The following PIK3C2G variants were observed in gnomAD, a reference collection of about 807,000 sequenced individuals.
The protein encoded by PIK3C2G is phosphatidylinositol 3-kinase C2 domain-containing subunit gamma.
Under a neutral mutation model 181.1 loss-of-function variants are expected in PIK3C2G, and 168 were observed. The observed-to-expected ratio is 0.93, with a 90% CI of 0.82 to 1.05. The LOEUF is 1.05. Among genes scored for constraint, PIK3C2G ranks in the 50% least tolerant of loss-of-function variants. The pLI is 0.00. For missense variants in PIK3C2G, 1,869 were observed against 1,732.8 expected (o/e 1.08, Z -1.40); for synonymous variants, 573 against 592.2 (o/e 0.97, Z 0.47).
chr12:18,429,664 C>G (rs1946041248), intron 18 of PIK3C2G, among the ~76,000 whole-genome samples: 1 of 152,152 alleles, frequency 6.6e-6, no homozygotes, highest in African/African-American at 2.4e-5. Context: ...CAATCCAGCA[C>G]AGTATCTGAA....
intron 16 of PIK3C2G, among the ~76,000 whole-genome samples, chr12:18,417,598 A>G (rs1196195067): frequency 6.6e-6 from 1 of 152,206 alleles, no homozygotes; most frequent in Non-Finnish European, 1.5e-5. Flanking sequence ...CAAAAAGATT[A>G]GAACTTGCTG....
intron 24 of PIK3C2G, among the ~76,000 whole-genome samples, chr12:18,508,827 T>C (rs1942022322): frequency 6.6e-6 from 1 of 152,104 alleles, no homozygotes; most frequent in African/African-American, 2.4e-5. Flanking sequence ...TGTCATAATG[T>C]CTCATAGTCT....
At chr12:18,283,102 A>G (rs1949293837) in intron 2 of PIK3C2G, among the ~76,000 whole-genome samples, 1 of 152,174 alleles carries the variant, frequency 6.6e-6, no homozygotes, top group South Asian at 2.1e-4. Flanking sequence ...TTTAATGCAC[A>G]TACACAAACA....
chr12:18,514,199 T>C (rs1413742449), intron 24 of PIK3C2G, among the ~76,000 whole-genome samples: 1 of 151,906 alleles, frequency 6.6e-6, no homozygotes, highest in East Asian at 1.9e-4. Flanking sequence ...AAAAATATAC[T>C]TAATATAATT....
At chr12:18,700,935 C>T in the PIK3C2G span, among the ~76,000 whole-genome samples, 4 of 151,878 alleles carry the variant, frequency 2.6e-5, no homozygotes, top group Admixed American at 2.6e-4. Flanking sequence ...TTTTGCACTT[C>T]GCACAAAGCC....
At chr12:18,726,367 T>C in the PIK3C2G span, among the ~76,000 whole-genome samples, 1 of 152,278 alleles carries the variant, frequency 6.6e-6, no homozygotes, top group East Asian at 1.9e-4. Flanking sequence ...TTGCAAAGCA[T>C]TACAAAAAGC....
intron 29 of PIK3C2G, among the ~76,000 whole-genome samples, chr12:18,591,462 AAG>A (rs778987411): frequency 7.9e-5 from 12 of 151,922 alleles, no homozygotes; most frequent in Non-Finnish European, 1.8e-4. Context: ...GAGTGAAGAA[AAG>A]AGAACATGAC....
chr12:18,413,850 A>G (rs1399783718), intron 16 of PIK3C2G, among the ~76,000 whole-genome samples: 1 of 152,134 alleles, frequency 6.6e-6, no homozygotes, highest in Non-Finnish European at 1.5e-5. Context: ...TCTGTTACAT[A>G]TGACATTTCA....
At chr12:18,679,149 T>C in the PIK3C2G span, among the ~76,000 whole-genome samples, 1 of 152,108 alleles carries the variant, frequency 6.6e-6, no homozygotes, top group African/African-American at 2.4e-5. Flanking sequence ...CCTGTTCAAA[T>C]ATTTTGCCCA....
At chr12:18,300,517 T>G (rs2137281060) in intron 5 of PIK3C2G, among the ~76,000 whole-genome samples, 1 of 152,160 alleles carries the variant, frequency 6.6e-6, no homozygotes, top group African/African-American at 2.4e-5. Context: ...TCTTTATAAG[T>G]GACATTTCTT....
intron 5 of PIK3C2G, among the ~76,000 whole-genome samples, chr12:18,309,299 T>C (rs1950546387): frequency 6.6e-6 from 1 of 151,846 alleles, no homozygotes; most frequent in African/African-American, 2.4e-5. Context: ...GTTGCCATAC[T>C]TTACCATAAA....
chr12:18,341,556 C>T (rs1939138536), intron 9 of PIK3C2G, among the ~76,000 whole-genome samples: 1 of 152,034 alleles, frequency 6.6e-6, no homozygotes, highest in South Asian at 2.1e-4. Context: ...AAAACTGGGT[C>T]CCACTTATTT....
At chr12:18,485,048 A>C (rs1322890998) in intron 18 of PIK3C2G, among the ~76,000 whole-genome samples, 1 of 152,130 alleles carries the variant, frequency 6.6e-6, no homozygotes, top group African/African-American at 2.4e-5. Flanking sequence ...CTTTTCTGTT[A>C]CTGGATGTTG....
chr12:18,665,638 C>T, the PIK3C2G span, among the ~76,000 whole-genome samples: 2 of 151,968 alleles, frequency 1.3e-5, no homozygotes, highest in African/African-American at 4.8e-5. Flanking sequence ...ACTGAAAATA[C>T]AAAAATTAGC....
upstream of PIK3C2G, among the ~76,000 whole-genome samples, chr12:18,261,004 C>T (rs904968656): frequency 1.3e-5 from 2 of 151,690 alleles, no homozygotes; most frequent in African/African-American, 4.8e-5. Flanking sequence ...CATCCTAAGG[C>T]TAAACTAAAA....
chr12:18,283,571 C>A (rs1024020930), intron 2 of PIK3C2G, among the ~76,000 whole-genome samples: 2 of 152,102 alleles, frequency 1.3e-5, no homozygotes, highest in Non-Finnish European at 1.5e-5. Context: ...AGATATGATA[C>A]TTGAATTCAG....
At chr12:18,459,488 T>C (rs979618797) in intron 18 of PIK3C2G, among the ~76,000 whole-genome samples, 5 of 152,226 alleles carry the variant, frequency 3.3e-5, no homozygotes, top group African/African-American at 1.2e-4. Flanking sequence ...GGGTGAAAGA[T>C]TCTTTCTACT....
chr12:18,516,853 T>G (rs896616817), intron 24 of PIK3C2G, among the ~76,000 whole-genome samples: 7 of 152,006 alleles, frequency 4.6e-5, no homozygotes, highest in Non-Finnish European at 1.0e-4. Flanking sequence ...TTTTTATTTC[T>G]GGATGGTTTT....
chr12:18,684,094 A>G, the PIK3C2G span: 1 of 1,604,590 alleles, frequency 6.2e-7, no homozygotes, highest in South Asian at 1.1e-5. Flanking sequence ...TTATATTTAA[A>G]TGCTGGTACA....
Sources: allele counts gnomAD v4.1 joint callset (sites outside exome capture counted in the v4.1 genomes callset), GRCh38; gene constraint gnomAD v4.1.1; transcripts MANE v1.5; gene names NCBI Gene and HGNC (gene_info 2026-07-23, HGNC 2026-07-21).